ABCA1: variants seen among roughly 807,000 people sequenced by gnomAD.
The protein encoded by ABCA1 is phospholipid-transporting ATPase ABCA1.
Under a neutral mutation model 262.5 loss-of-function variants are expected in ABCA1, and 133 were observed. The ratio of observed to expected loss-of-function variants is 0.51; its 90% CI spans 0.44 to 0.59. The LOEUF is 0.59. ABCA1 is among the 20% of genes least tolerant of loss of function. The pLI is 0.00. For synonymous variants in ABCA1, 1,022 were observed against 1,043.5 expected, an observed-to-expected ratio of 0.98 and a Z score of 0.40; for missense variants, 2,452 against 2,777.5, an observed-to-expected ratio of 0.88 and a Z score of 2.63.
At chr9:104,848,863 T>C (rs1180859184) in intron 7 of ABCA1, among the ~76,000 whole-genome samples, 1 of 152,148 alleles carries the variant, frequency 6.6e-6, no homozygotes, top group Non-Finnish European at 1.5e-5. Flanking sequence ...TCGGTTCACC[T>C]GGCCCTGAGT....
chr9:104,846,193 A>T (rs1174575792), intron 7 of ABCA1, among the ~76,000 whole-genome samples: 1 of 152,250 alleles, frequency 6.6e-6, no homozygotes, highest in African/African-American at 2.4e-5. Flanking sequence ...GGGAAAAGAT[A>T]AATTAGGGCA....
chr9:104,912,308 A>G (rs1310369697), intron 1 of ABCA1, among the ~76,000 whole-genome samples: 1 of 152,202 alleles, frequency 6.6e-6, no homozygotes, highest in Admixed American at 6.5e-5. Flanking sequence ...CTGAGGCAGC[A>G]GGATCGCTTG....
intron 3 of ABCA1, 42 bp downstream of exon 3, chr9:104,889,060 C>T: frequency 6.4e-7 from 1 of 1,560,652 alleles, no homozygotes; most frequent in Middle Eastern, 1.7e-4. Flanking sequence ...CTGGATTTTC[C>T]CTGCCATTGG....
At chr9:104,886,921 T>A (rs1839227410) in intron 3 of ABCA1, among the ~76,000 whole-genome samples, 1 of 152,238 alleles carries the variant, frequency 6.6e-6, no homozygotes, top group South Asian at 2.1e-4. Context: ...CCTTAACTTT[T>A]AACTCTGCTC....
At chr9:104,795,402 G>T (rs1829810725) in intron 39 of ABCA1, among the ~76,000 whole-genome samples, 1 of 152,182 alleles carries the variant, frequency 6.6e-6, no homozygotes, top group Non-Finnish European at 1.5e-5. Context: ...TATTTTAGAG[G>T]TCCATACCTG....
At chr9:104,841,163 C>T (rs995508472) in intron 8 of ABCA1, among the ~76,000 whole-genome samples, 1 of 152,134 alleles carries the variant, frequency 6.6e-6, no homozygotes, top group South Asian at 2.1e-4. Context: ...GGGCCGGGTG[C>T]AGTGGCTCAC....
chr9:104,919,210 C>G (rs1229770096), intron 1 of ABCA1, among the ~76,000 whole-genome samples: 4 of 152,156 alleles, frequency 2.6e-5, no homozygotes, highest in African/African-American at 9.7e-5. Context: ...GTCCAATTCT[C>G]CTCCTAGGAT....
intron 7 of ABCA1, chr9:104,856,152 C>T: frequency 6.7e-7 from 1 of 1,497,594 alleles, no homozygotes; most frequent in Admixed American, 2.3e-5. Flanking sequence ...TAATGCAAAT[C>T]AAGTATCAGT....
intron 3 of ABCA1, among the ~76,000 whole-genome samples, chr9:104,888,061 G>GGGTGTA (rs1839351988): frequency 7.5e-6 from 1 of 133,440 alleles, no homozygotes; most frequent in African/African-American, 2.7e-5. Context: ...CTTGAGGGGT[G>GGGTGTA]TGTGTGTGTG....
chr9:104,906,596 G>T (rs1222412705), intron 1 of ABCA1, among the ~76,000 whole-genome samples: 1 of 151,780 alleles, frequency 6.6e-6, no homozygotes, highest in Admixed American at 6.6e-5. Flanking sequence ...TGCACAATTT[G>T]CTCCCCCAAC....
At chr9:104,853,158 C>T (rs1835525648) in intron 7 of ABCA1, among the ~76,000 whole-genome samples, 1 of 152,230 alleles carries the variant, frequency 6.6e-6, no homozygotes, top group Non-Finnish European at 1.5e-5. Flanking sequence ...TGGGAATGTG[C>T]TAGGCACACT....
At position 104,788,351 on chromosome 9, in the gene ABCA1, C is replaced by T. The variant is rs116416613; in HGVS notation, c.6069+75G>A. The T allele has an allele frequency of 2.0e-3, 3,273 of 1,598,568 alleles. 42 individuals carry two copies. In the African/African-American group the frequency reaches 0.029, roughly 14 times the overall value. The stretch of plus-strand genomic sequence containing the variant: ...GAGGAAAAACAGCCTGAAGTCAATG[C>T]GTGTGGAAAAGCCATAAGGTATATA... On this transcript the variant is annotated intron_variant, in intron 45 of 49. Coordinates refer to ENST00000374736, the MANE Select transcript of ABCA1 (RefSeq NM_005502.4).
chr9:104,794,274 G>A (rs1322457293), intron 40 of ABCA1, 113 bp downstream of exon 40: 1 of 1,527,416 alleles, frequency 6.5e-7, no homozygotes, highest in Non-Finnish European at 9.0e-7. Flanking sequence ...ATGGGGGTGG[G>A]GGAACATCCT....
intron 11 of ABCA1, among the ~76,000 whole-genome samples, chr9:104,836,763 C>T (rs372582701): frequency 3.3e-5 from 5 of 152,166 alleles, no homozygotes; most frequent in African/African-American, 9.7e-5. Flanking sequence ...GCTATTTGAC[C>T]GTGAGTGGCA....
intron 2 of ABCA1, among the ~76,000 whole-genome samples, chr9:104,902,641 T>A (rs1335135215): frequency 6.6e-6 from 1 of 152,222 alleles, no homozygotes; most frequent in African/African-American, 2.4e-5. Context: ...AATATTTAAG[T>A]AACACTATAA....
intron 3 of ABCA1, among the ~76,000 whole-genome samples, chr9:104,884,973 C>T (rs1839023837): frequency 6.6e-6 from 1 of 152,144 alleles, no homozygotes; most frequent in Non-Finnish European, 1.5e-5. Context: ...CAGTGGCTCG[C>T]GCCTGTAATC....
chr9:104,879,023 C>T (rs1012189610), intron 5 of ABCA1, among the ~76,000 whole-genome samples: 8 of 150,812 alleles, frequency 5.3e-5, no homozygotes, highest in Admixed American at 6.6e-5. Flanking sequence ...TGCAGTGAGC[C>T]AAGATTGCGC....
At chr9:104,926,993 C>G (rs1464743640) in intron 1 of ABCA1, among the ~76,000 whole-genome samples, 2 of 152,050 alleles carry the variant, frequency 1.3e-5, no homozygotes, top group Non-Finnish European at 2.9e-5. Flanking sequence ...CGGTGGATCA[C>G]CTGAGGTCGA....
At chr9:104,891,970 A>C in intron 2 of ABCA1, among the ~76,000 whole-genome samples, 1 of 122,358 alleles carries the variant, frequency 8.2e-6, no homozygotes, top group African/African-American at 4.3e-5. Context: ...GTCTCTTAAA[A>C]AAAAAAAAAA....
Sources: allele counts gnomAD v4.1 joint callset (sites outside exome capture counted in the v4.1 genomes callset), GRCh38; gene constraint gnomAD v4.1.1; transcripts MANE v1.5; gene names NCBI Gene and HGNC (gene_info 2026-07-23, HGNC 2026-07-21).